Variants in SLC22A3 observed in about 807,000 individuals in gnomAD.
SLC22A3 encodes the protein EMT organic cation transporter 3.
Under a neutral mutation model 59.1 loss-of-function variants are expected in SLC22A3, and 51 were observed. The observed-to-expected ratio is 0.86, with a 90% CI of 0.69 to 1.09. The LOEUF (loss-of-function observed/expected upper bound fraction) is 1.09. SLC22A3 is among the 50% of genes least tolerant of loss of function. SLC22A3 has a pLI of 0.00. For synonymous variants in SLC22A3, 325 were observed against 292.0 expected, an observed-to-expected ratio of 1.11 and a Z score of -1.15; for missense variants, 711 against 726.3, an observed-to-expected ratio of 0.98 and a Z score of 0.24.
intron 1 of SLC22A3, among the ~76,000 whole-genome samples, chr6:160,374,078 T>A (rs1423164277): frequency 2.6e-5 from 4 of 152,154 alleles, no homozygotes; most frequent in Non-Finnish European, 5.9e-5. Flanking sequence ...TGCAGCTAGC[T>A]CAGTGTCTGC....
At chr6:160,366,666 C>A (rs1785216240) in intron 1 of SLC22A3, among the ~76,000 whole-genome samples, 1 of 152,188 alleles carries the variant, frequency 6.6e-6, no homozygotes, top group South Asian at 2.1e-4. Flanking sequence ...GGCTGTGCCC[C>A]ACAATACACA....
intron 5 of SLC22A3, chr6:160,426,292 G>A (rs551945147): frequency 4.7e-5 from 46 of 985,384 alleles, no homozygotes; most frequent in East Asian, 4.5e-4. Flanking sequence ...AGGAAATTCC[G>A]AGATGACAGT....
chr6:160,413,923 A>C (rs1299568065), intron 5 of SLC22A3, among the ~76,000 whole-genome samples: 1 of 152,142 alleles, frequency 6.6e-6, no homozygotes, highest in African/African-American at 2.4e-5. Context: ...GGTTTATTTA[A>C]TTCATAGGTT....
chr6:160,450,175 T>C (rs1321146275), intron 10 of SLC22A3, among the ~76,000 whole-genome samples: 4 of 152,164 alleles, frequency 2.6e-5, no homozygotes, highest in African/African-American at 9.7e-5. Flanking sequence ...CCAGGGTGTA[T>C]TTCAGTCCTT....
intron 5 of SLC22A3, among the ~76,000 whole-genome samples, chr6:160,423,622 T>C (rs1341171050): frequency 6.6e-6 from 1 of 152,240 alleles, no homozygotes; most frequent in Non-Finnish European, 1.5e-5. Flanking sequence ...GCTGCATAAA[T>C]GTCTTCTTTT....
chr6:160,369,590 A>G (rs1325026821), intron 1 of SLC22A3, among the ~76,000 whole-genome samples: 1 of 152,222 alleles, frequency 6.6e-6, no homozygotes, highest in Non-Finnish European at 1.5e-5. Context: ...AGTTTCAACA[A>G]TTTGTATTTC....
At chr6:160,380,098 T>C (rs1343041359) in intron 1 of SLC22A3, among the ~76,000 whole-genome samples, 2 of 152,172 alleles carry the variant, frequency 1.3e-5, no homozygotes, top group African/African-American at 2.4e-5. Flanking sequence ...AGTGTATTTA[T>C]TTTAGAAGGT....
intron 5 of SLC22A3, among the ~76,000 whole-genome samples, chr6:160,421,123 G>A (rs750023749): frequency 6.6e-6 from 1 of 152,150 alleles, no homozygotes; most frequent in East Asian, 1.9e-4. Context: ...AGATGCTGAC[G>A]CTGTCTTGAT....
intron 5 of SLC22A3, among the ~76,000 whole-genome samples, chr6:160,413,669 C>T (rs1023226760): frequency 2.0e-5 from 3 of 152,224 alleles, no homozygotes; most frequent in South Asian, 4.1e-4. Flanking sequence ...AAATTCAATA[C>T]AAGTAATCAC....
At chr6:160,412,954 T>C (rs1326931208) in intron 5 of SLC22A3, among the ~76,000 whole-genome samples, 1 of 151,242 alleles carries the variant, frequency 6.6e-6, no homozygotes, top group East Asian at 1.9e-4. Context: ...GAAAGGAATA[T>C]ATAAAAATAG....
chr6:160,381,371 A>G (rs1785789372), intron 1 of SLC22A3, among the ~76,000 whole-genome samples: 1 of 152,228 alleles, frequency 6.6e-6, no homozygotes, highest in South Asian at 2.1e-4. Context: ...TATGGCTGAT[A>G]TCATGGAGTA....
At chr6:160,362,240 C>A (rs146943456) in intron 1 of SLC22A3, among the ~76,000 whole-genome samples, 354 of 152,342 alleles carry the variant, frequency 2.3e-3, no homozygotes, top group African/African-American at 7.8e-3. Context: ...ATAATTCAAT[C>A]ACCAAATTTA....
chr6:160,444,090 T>C (rs1459697496), intron 9 of SLC22A3, among the ~76,000 whole-genome samples: 2 of 152,168 alleles, frequency 1.3e-5, no homozygotes, highest in African/African-American at 4.8e-5. Context: ...ATATTCAATA[T>C]GTTTAAAAAT....
chr6:160,439,094 A>G (rs1788452470), intron 7 of SLC22A3, among the ~76,000 whole-genome samples: 3 of 152,168 alleles, frequency 2.0e-5, no homozygotes, highest in Admixed American at 6.5e-5. Context: ...GATCTGTACA[A>G]TAGCTATCTC....
intron 10 of SLC22A3, among the ~76,000 whole-genome samples, chr6:160,449,739 A>G (rs1160355435): frequency 6.6e-6 from 1 of 152,190 alleles, no homozygotes; most frequent in African/African-American, 2.4e-5. Context: ...TCTATTTTCC[A>G]TAAGTGTTGG....
At chr6:160,367,249 G>A (rs1258459877) in intron 1 of SLC22A3, among the ~76,000 whole-genome samples, 1 of 152,202 alleles carries the variant, frequency 6.6e-6, no homozygotes, top group Non-Finnish European at 1.5e-5. Flanking sequence ...GCAGCAAGAA[G>A]TGCTGAGCAG....
Position 160,348,672 on chromosome 6 carries a change from G to C in SLC22A3, c.253G>C (p.Glu85Gln). 3 of 1,506,702 alleles carry C rather than the reference G, an allele frequency of 2.0e-6. 1 individual carries two copies. In the South Asian group the frequency reaches 3.7e-5, roughly 19 times the overall value. The allele number at this position is 1,506,702 out of a possible 1,614,324, so 93.3% of individuals were successfully genotyped here. The part of the protein sequence containing the change: ...APASRGPEPP[E>Q]RRGRCQRYLL... ...CGCCTCCCGCGGCCCAGAGCCCCCC[G>C]AGCGCCGCGGCCGCTGCCAGCGCTA... Residue 85 changes from glutamate to glutamine, a missense_variant, in exon 1 of 11, where the codon GAG becomes CAG. Glu to Gln is a conservative substitution (Grantham distance 29, BLOSUM62 2). Transcript: ENST00000275300.
At chr6:160,441,877 T>C (rs945582579) in intron 7 of SLC22A3, among the ~76,000 whole-genome samples, 1 of 152,210 alleles carries the variant, frequency 6.6e-6, no homozygotes, top group African/African-American at 2.4e-5. Context: ...TGCAGACATA[T>C]GTCCTCAATA....
intron 2 of SLC22A3, among the ~76,000 whole-genome samples, chr6:160,402,453 T>A (rs901150039): frequency 6.6e-6 from 1 of 151,818 alleles, no homozygotes; most frequent in Non-Finnish European, 1.5e-5. Context: ...GACTTCAACA[T>A]CCCTTTGTTG....
Sources: allele counts gnomAD v4.1 joint callset (sites outside exome capture counted in the v4.1 genomes callset), GRCh38; gene constraint gnomAD v4.1.1; transcripts MANE v1.5; gene names NCBI Gene and HGNC (gene_info 2026-07-23, HGNC 2026-07-21).